Variants in IGF2BP2 observed in about 807,000 individuals in gnomAD.
The protein encoded by IGF2BP2 is insulin like growth factor 2 mRNA binding protein 2, also known as insulin-like growth factor 2 mRNA-binding protein 2.
A neutral mutation model predicts 75.8 loss-of-function variants in IGF2BP2; 17 were observed. That is an observed-to-expected ratio of 0.22 (90% CI 0.15 to 0.34). The LOEUF (loss-of-function observed/expected upper bound fraction) is 0.34. Among genes scored for constraint, IGF2BP2 ranks in the 10% least tolerant of loss-of-function variants. The probability of loss-of-function intolerance (pLI) is 1.00; values close to 1 mark genes in which losing one functional copy is unlikely to be tolerated. For missense variants in IGF2BP2, 516 were observed against 772.4 expected, an observed-to-expected ratio of 0.67 and a Z score of 3.93; for synonymous variants, 288 against 295.6, an observed-to-expected ratio of 0.97 and a Z score of 0.26.
At chr3:185,752,990 G>A (rs563724900) in intron 2 of IGF2BP2, among the ~76,000 whole-genome samples, 1 of 152,146 alleles carries the variant, frequency 6.6e-6, no homozygotes, top group African/African-American at 2.4e-5. Context: ...GAATGCAGGG[G>A]GCTGAGGGTG....
chr3:185,717,564 AG>A (rs2149448446), intron 2 of IGF2BP2: 1 of 152,380 alleles, frequency 6.6e-6, no homozygotes, highest in Non-Finnish European at 1.5e-5. Context: ...AGGTTTGTAA[AG>A]GCTAGAAGAA....
At chr3:185,824,726 C>G in intron 1 of IGF2BP2, 57 bp downstream of exon 1, 1 of 1,216,892 alleles carries the variant, frequency 8.2e-7, no homozygotes, top group Non-Finnish European at 1.0e-6. Context: ...TCCCTCCCGG[C>G]GCCGTCCCGG....
intron 7 of IGF2BP2, among the ~76,000 whole-genome samples, chr3:185,676,176 C>T (rs192094569): frequency 3.3e-5 from 5 of 152,172 alleles, no homozygotes; most frequent in Admixed American, 2.0e-4. Flanking sequence ...GAGGGTATTA[C>T]AAGAACTCTA....
Position 185,715,191 on chromosome 3 carries a change from T to C in IGF2BP2, c.240-16844A>G, listed in dbSNP as rs538713841. On this transcript the variant is annotated intron_variant, in intron 2 of 15. Transcript: ENST00000382199. ...GAGCATAGAGGGGTCGGGAAAGATATTCTAAGGGAATGAGGCACACAAAGG... is the reference window on the plus strand; with the variant it reads ...GAGCATAGAGGGGTCGGGAAAGATACTCTAAGGGAATGAGGCACACAAAGG... Among the ~76,000 whole-genome samples the C allele has an allele frequency of 2.0e-5, 3 of 152,222 alleles. No homozygotes were observed. In the South Asian group the frequency reaches 6.2e-4, roughly 32 times the overall value.
chr3:185,800,710 GCCA>G, intron 2 of IGF2BP2, among the ~76,000 whole-genome samples: 1 of 142,006 alleles, frequency 7.0e-6, no homozygotes, highest in African/African-American at 3.0e-5. Flanking sequence ...TGGTGACTGA[GCCA>G]AAAAAAAAGA....
intron 2 of IGF2BP2, among the ~76,000 whole-genome samples, chr3:185,783,227 C>G (rs1735432048): frequency 1.3e-5 from 2 of 152,272 alleles, no homozygotes; most frequent in South Asian, 4.1e-4. Context: ...GTGCCCCTCA[C>G]CTATACAGAT....
chr3:185,802,131 G>A (rs975886043), intron 2 of IGF2BP2, among the ~76,000 whole-genome samples: 3 of 151,600 alleles, frequency 2.0e-5, no homozygotes, highest in African/African-American at 4.9e-5. Context: ...GTATACCTAT[G>A]TAACAAACCT....
intron 2 of IGF2BP2, among the ~76,000 whole-genome samples, chr3:185,767,442 T>C (rs1046668923): frequency 1.3e-5 from 2 of 152,234 alleles, no homozygotes; most frequent in Non-Finnish European, 2.9e-5. Flanking sequence ...AAGGATTCTG[T>C]AGTTATGTAA....
At chr3:185,667,822 CT>C (rs1289346737) in intron 10 of IGF2BP2, among the ~76,000 whole-genome samples, 1 of 152,180 alleles carries the variant, frequency 6.6e-6, no homozygotes, top group Non-Finnish European at 1.5e-5. Flanking sequence ...AACTGGAAGG[CT>C]TGTGGCAACC....
chr3:185,671,890 C>G (rs1225856928), intron 10 of IGF2BP2, among the ~76,000 whole-genome samples: 2 of 152,164 alleles, frequency 1.3e-5, no homozygotes, highest in Non-Finnish European at 2.9e-5. Context: ...TGAAAAAAAG[C>G]TGTCAAGTAT....
intron 10 of IGF2BP2, among the ~76,000 whole-genome samples, chr3:185,670,370 T>G (rs994844720): frequency 4.6e-5 from 7 of 152,212 alleles, no homozygotes; most frequent in African/African-American, 1.7e-4. Flanking sequence ...ATAAATATTT[T>G]AGGCTTTGTG....
intron 2 of IGF2BP2, among the ~76,000 whole-genome samples, chr3:185,761,510 T>A (rs1277450371): frequency 1.3e-5 from 2 of 152,120 alleles, no homozygotes; most frequent in African/African-American, 2.4e-5. Context: ...ACCATCCCCA[T>A]CCCAAGTGCT....
At chr3:185,697,426 T>TG (rs1476409999) in intron 3 of IGF2BP2, among the ~76,000 whole-genome samples, 6 of 152,182 alleles carry the variant, frequency 3.9e-5, no homozygotes, top group Admixed American at 3.3e-4. Flanking sequence ...TGTTTTTTTT[T>TG]TTTAAAGTAA....
chr3:185,716,906 T>C (rs918822834), intron 2 of IGF2BP2: 11 of 455,872 alleles, frequency 2.4e-5, no homozygotes, highest in Admixed American at 2.3e-4. Context: ...GTTGTAACGC[T>C]CTGTTTACAT....
At chr3:185,812,502 T>C (rs6769511) in intron 2 of IGF2BP2, among the ~76,000 whole-genome samples, 68,258 of 152,088 alleles carry the variant, frequency 0.45, 18,368 homozygotes, top group African/African-American at 0.77. Flanking sequence ...AATAGAGGGC[T>C]ATTCCATGGA....
chr3:185,691,634 TG>T (rs1295455935), intron 5 of IGF2BP2, among the ~76,000 whole-genome samples: 1 of 152,132 alleles, frequency 6.6e-6, no homozygotes, highest in Non-Finnish European at 1.5e-5. Flanking sequence ...CTTTTAAAGA[TG>T]GGGGTCTCAT....
intron 2 of IGF2BP2, among the ~76,000 whole-genome samples, chr3:185,782,233 A>G (rs1426093905): frequency 6.6e-6 from 1 of 152,182 alleles, no homozygotes; most frequent in Non-Finnish European, 1.5e-5. Context: ...GGAAAATTTT[A>G]ATGATGTAGA....
chr3:185,785,629 G>A (rs951048829), intron 2 of IGF2BP2, among the ~76,000 whole-genome samples: 1 of 151,978 alleles, frequency 6.6e-6, no homozygotes, highest in Middle Eastern at 3.2e-3. Context: ...GACCAGCCTG[G>A]GCAACATATC....
At chr3:185,761,577 T>A (rs982153106) in intron 2 of IGF2BP2, among the ~76,000 whole-genome samples, 2 of 152,152 alleles carry the variant, frequency 1.3e-5, no homozygotes, top group Non-Finnish European at 2.9e-5. Flanking sequence ...AAGAAAAATA[T>A]CCTGTAAGGA....
Sources: gnomAD v4.1 joint callset for allele counts (sites outside exome capture counted in the v4.1 genomes callset) on GRCh38, gnomAD v4.1.1 for gene constraint, MANE v1.5 for transcripts, NCBI Gene and HGNC (gene_info 2026-07-23, HGNC 2026-07-21) for gene names.